The following CLRN2 variants were observed in gnomAD, a reference collection of about 807,000 sequenced individuals.
CLRN2 encodes clarin-2.
Under a neutral mutation model 20.1 loss-of-function variants are expected in CLRN2, and 17 were observed. The observed-to-expected ratio is 0.85, with a 90% CI of 0.58 to 1.27. The LOEUF is 1.27. CLRN2 is among the 50% of genes most tolerant of loss of function. The probability of loss-of-function intolerance (pLI) is 0.00; values close to 1 mark genes in which losing one functional copy is unlikely to be tolerated. For missense variants in CLRN2, 288 were observed against 299.5 expected, an observed-to-expected ratio of 0.96 and a Z score of 0.28; for synonymous variants, 140 against 126.9, an observed-to-expected ratio of 1.10 and a Z score of -0.70.
chr4:17,523,830 G>A (rs1379012971), intron 2 of CLRN2, among the ~76,000 whole-genome samples: 1 of 147,920 alleles, frequency 6.8e-6, no homozygotes, highest in Non-Finnish European at 1.5e-5. Context: ...CACACACTTG[G>A]GCATATTAAT....
At chr4:17,526,141 C>G (rs1028533759) in intron 2 of CLRN2, among the ~76,000 whole-genome samples, 1 of 152,168 alleles carries the variant, frequency 6.6e-6, no homozygotes, top group East Asian at 1.9e-4. Context: ...AACAGGAGAG[C>G]AACAGTTTTT....
chr4:17,519,587 G>A (rs755777970), intron 1 of CLRN2, among the ~76,000 whole-genome samples: 3 of 146,750 alleles, frequency 2.0e-5, no homozygotes, highest in Non-Finnish European at 4.5e-5. Context: ...CCCCATATAG[G>A]TGGCTGTTGT....
At chr4:17,521,657 GTGTA>G (rs1711839885) in intron 1 of CLRN2, among the ~76,000 whole-genome samples, 2 of 152,202 alleles carry the variant, frequency 1.3e-5, no homozygotes, top group Admixed American at 6.5e-5. Context: ...TAAAAGGAAG[GTGTA>G]TTCCAGAGAA....
chr4:17,527,025 T>A lies in CLRN2; in HGVS notation c.642T>A (p.Pro214=). Reference sequence around the variant, plus strand: ...TGGCGATCAGTCAAATTCCCCTCCCTGAGATTAAGACCAAAATCGAAGAGG... The same window carrying A: ...TGGCGATCAGTCAAATTCCCCTCCCAGAGATTAAGACCAAAATCGAAGAGG... ...VVVAISQIPL[P]EIKTKIEEAT... Residue 214 remains proline, a synonymous_variant, in exon 3 of 3, where the codon CCT becomes CCA. Transcript: ENST00000511148. 1 of 1,612,966 alleles carries A rather than the reference T, an allele frequency of 6.2e-7. No homozygotes were observed. Among genetic ancestry groups the A allele is most frequent in the Non-Finnish European group, 8.5e-7 (1 of 1,179,140 alleles).
intron 2 of CLRN2, among the ~76,000 whole-genome samples, chr4:17,524,203 G>GGTGTGTGTGTGTGT (rs1711901754): frequency 1.1e-4 from 4 of 37,356 alleles, no homozygotes; most frequent in Admixed American, 1.1e-3. Flanking sequence ...AAAACTACAA[G>GGTGTGTGTGTGTGT]ATGTGTGTGT....
intron 2 of CLRN2, among the ~76,000 whole-genome samples, chr4:17,524,611 T>A (rs553611773): frequency 2.0e-5 from 3 of 152,146 alleles, no homozygotes; most frequent in African/African-American, 4.8e-5. Context: ...GAGGCTGTCA[T>A]GTAAAAAGTG....
Position 17,526,943 on chromosome 4 carries a change from A to G in CLRN2, c.560A>G (p.Glu187Gly), listed in dbSNP as rs1711992737. The change falls in exon 3 of 3, where the codon GAG becomes GGG. Residue 187 changes from glutamate (E) to glycine (G), a missense_variant. Physicochemically the swap from Glu to Gly is moderately conservative, Grantham distance 98 (BLOSUM62 -2). Coordinates refer to ENST00000511148, the MANE Select transcript of CLRN2 (RefSeq NM_001079827.2). ...GTGGTGGTGGAAGAACAGTATGAAG[A>G]GTCGTTTTGGATCTGCGTGGCCAGC... Reference protein sequence around the residue: ...QFVVVEEQYEESFWICVASAS... With the variant: ...QFVVVEEQYEGSFWICVASAS... 1.9e-6 allele frequency: 3 copies of G among 1,614,016 alleles called. No homozygotes were observed. Among genetic ancestry groups the G allele is most frequent in the Admixed American group, 3.3e-5 (2 of 60,028 alleles).
intron 1 of CLRN2, among the ~76,000 whole-genome samples, chr4:17,519,497 C>T (rs1711783822): frequency 6.6e-6 from 1 of 152,036 alleles, no homozygotes; most frequent in Non-Finnish European, 1.5e-5. Context: ...CCTCAGTTTC[C>T]TCATTTGTAA....
At chr4:17,520,716 G>C (rs1412037580) in intron 1 of CLRN2, among the ~76,000 whole-genome samples, 1 of 152,122 alleles carries the variant, frequency 6.6e-6, no homozygotes, top group African/African-American at 2.4e-5. Flanking sequence ...GTTAAGAAAG[G>C]GGATAATGAA....
intron 1 of CLRN2, among the ~76,000 whole-genome samples, chr4:17,521,309 C>T (rs1711831748): frequency 6.6e-6 from 1 of 152,176 alleles, no homozygotes. Flanking sequence ...AATGTGTCAC[C>T]TAACGGGACA....
At chr4:17,522,736 G>GA (rs1711863126) in intron 1 of CLRN2, 128 bp from the exon 2 acceptor site, 6 of 910,968 alleles carry the variant, frequency 6.6e-6, no homozygotes, top group Admixed American at 2.3e-5. Context: ...CCCGCTGTTT[G>GA]AAATCCCCAC....
In CLRN2 at chr4:17,517,364, T is replaced by C. The variant is rs369907314; in HGVS notation, c.253+1845T>C. Among the ~76,000 whole-genome samples the C allele has an allele frequency of 9.3e-4, 142 of 152,238 alleles. 1 individual carries two copies. The highest frequency in any genetic ancestry group is 3.5e-3 in the Admixed American group (54 of 15,294). ...GGGAGAGGGGAGGCCAGAGAGACCT[T>C]GAGACTTCTTCACAAAGCTTCATAT... On this transcript the variant is annotated intron_variant, in intron 1 of 2. Coordinates refer to ENST00000511148, the MANE Select transcript of CLRN2 (RefSeq NM_001079827.2).
At chr4:17,519,951 C>T (rs968887034) in intron 1 of CLRN2, among the ~76,000 whole-genome samples, 1 of 152,078 alleles carries the variant, frequency 6.6e-6, no homozygotes, top group African/African-American at 2.4e-5. Context: ...TCAAGCAATC[C>T]CCCCATAATG....
chr4:17,526,387 C>T (rs1358162567), intron 2 of CLRN2, among the ~76,000 whole-genome samples: 1 of 152,098 alleles, frequency 6.6e-6, no homozygotes. Context: ...TGATGAAACC[C>T]CATCTCTACT....
Position 17,526,881 on chromosome 4 carries a change from A to G in CLRN2, c.498A>G (p.Glu166=), listed in dbSNP as rs764254998. ...CGGTGAAATTTCACGACCTGACGGAACGAATCGCCAACTTTCAGGAGAAGC... is the reference window on the plus strand; with the variant it reads ...CGGTGAAATTTCACGACCTGACGGAGCGAATCGCCAACTTTCAGGAGAAGC... ...VAAVKFHDLT[E]RIANFQEKLF... The change falls in exon 3 of 3, where the codon GAA becomes GAG. Residue 166 remains glutamate, a synonymous_variant. Coordinates refer to ENST00000511148, the MANE Select transcript of CLRN2 (RefSeq NM_001079827.2). 3 of 1,613,910 alleles carry G rather than the reference A, an allele frequency of 1.9e-6. No homozygotes were observed. The highest frequency in any genetic ancestry group is 1.1e-5 in the South Asian group (1 of 91,092).
chr4:17,527,011 C>G lies in CLRN2; in HGVS notation c.628C>G (p.Gln210Glu), dbSNP rs768477710. Residue 210 changes from glutamine (Q) to glutamate (E), a missense_variant, in exon 3 of 3, where the codon CAA becomes GAA. Coordinates refer to ENST00000511148, the MANE Select transcript of CLRN2 (RefSeq NM_001079827.2). ...AAACTTGGTCGTGGTGGCGATCAGT[C>G]AAATTCCCCTCCCTGAGATTAAGAC... ...AANLVVVAIS[Q>E]IPLPEIKTKI... The G allele has an allele frequency of 2.5e-6, 4 of 1,614,006 alleles. No homozygotes were observed. In the South Asian group the frequency reaches 3.3e-5, roughly 13 times the overall value.
chr4:17,521,171 A>G (rs1331789651), intron 1 of CLRN2, among the ~76,000 whole-genome samples: 1 of 152,218 alleles, frequency 6.6e-6, no homozygotes, highest in Non-Finnish European at 1.5e-5. Context: ...AACTCACTGG[A>G]AAGGAGCTCA....
chr4:17,517,118 G>A (rs1460410731), intron 1 of CLRN2, among the ~76,000 whole-genome samples: 1 of 152,226 alleles, frequency 6.6e-6, no homozygotes, highest in Non-Finnish European at 1.5e-5. Flanking sequence ...GACAAAGTCT[G>A]TTGAGCCCAC....
rs775440440 is a variant in CLRN2, at chr4:17,526,875, G to C, written c.492G>C (p.Leu164=). The change falls in exon 3 of 3, where the codon CTG becomes CTC. Residue 164 remains leucine (L), a synonymous_variant. Transcript: ENST00000511148. ...TGGCTGCGGTGAAATTTCACGACCT[G>C]ACGGAACGAATCGCCAACTTTCAGG... ...SFVAAVKFHD[L]TERIANFQEK... The C allele has an allele frequency of 6.2e-7, 1 of 1,614,010 alleles. No individual in the cohort carries two copies. Among genetic ancestry groups the C allele is most frequent in the Non-Finnish European group, 8.5e-7 (1 of 1,179,886 alleles).
Sources: gnomAD v4.1 joint callset for allele counts (sites outside exome capture counted in the v4.1 genomes callset) on GRCh38, gnomAD v4.1.1 for gene constraint, MANE v1.5 for transcripts, NCBI Gene and HGNC (gene_info 2026-07-23, HGNC 2026-07-21) for gene names.